Variants in ADD3 observed in about 807,000 individuals in gnomAD.
ADD3 encodes the protein gamma-adducin.
A neutral mutation model predicts 80.2 loss-of-function variants in ADD3; 25 were observed. That is an observed-to-expected ratio of 0.31 (90% CI 0.23 to 0.44). ADD3 has a LOEUF of 0.44. ADD3 is among the 20% of genes least tolerant of loss of function. The pLI is 1.00. For synonymous variants in ADD3, 284 were observed against 289.6 expected, an observed-to-expected ratio of 0.98 and a Z score of 0.20; for missense variants, 829 against 847.5, an observed-to-expected ratio of 0.98 and a Z score of 0.27.
intron 1 of ADD3, among the ~76,000 whole-genome samples, chr10:110,089,678 AAT>A (rs199989268): frequency 9.8e-4 from 149 of 151,296 alleles, no homozygotes; most frequent in African/African-American, 3.4e-3. Flanking sequence ...ATTTCATAGG[AAT>A]ATATATATAT....
intron 1 of ADD3, among the ~76,000 whole-genome samples, chr10:109,998,559 G>T (rs1030736261): frequency 3.9e-5 from 6 of 152,108 alleles, no homozygotes; most frequent in African/African-American, 1.2e-4. Flanking sequence ...GCCTTCCTTT[G>T]CTTAAAACCT....
intron 1 of ADD3, among the ~76,000 whole-genome samples, chr10:110,087,036 T>A (rs1433119682): frequency 2.0e-5 from 3 of 152,106 alleles, no homozygotes; most frequent in African/African-American, 7.2e-5. Context: ...ATTTTTTTTT[T>A]ATTTTTTTGA....
At chr10:110,130,915 A>G (rs1186953252) in intron 13 of ADD3, among the ~76,000 whole-genome samples, 2 of 152,174 alleles carry the variant, frequency 1.3e-5, no homozygotes, top group East Asian at 3.8e-4. Context: ...TTATAGTAAA[A>G]TCTTCTAGAA....
chr10:110,081,877 A>G (rs1305789401), intron 1 of ADD3, among the ~76,000 whole-genome samples: 3 of 152,214 alleles, frequency 2.0e-5, no homozygotes, highest in African/African-American at 7.2e-5. Context: ...GCTGCTGTCT[A>G]CAGGATGTTG....
chr10:110,095,385 A>G (rs1848028839), intron 1 of ADD3, among the ~76,000 whole-genome samples: 1 of 152,188 alleles, frequency 6.6e-6, no homozygotes, highest in South Asian at 2.1e-4. Flanking sequence ...ATTTTCCCAT[A>G]GTGCCTGGCA....
At chr10:110,071,121 T>A (rs1844650701) in intron 1 of ADD3, among the ~76,000 whole-genome samples, 1 of 151,774 alleles carries the variant, frequency 6.6e-6, no homozygotes, top group Admixed American at 6.6e-5. Flanking sequence ...AAAAAAAAAT[T>A]GGGGGAATGG....
At chr10:110,097,645 G>A (rs1002863749) in intron 1 of ADD3, among the ~76,000 whole-genome samples, 27 of 152,030 alleles carry the variant, frequency 1.8e-4, no homozygotes, top group African/African-American at 6.5e-4. Context: ...TTCACCAATT[G>A]TCTCACTGAT....
chr10:110,057,069 A>G (rs1858285615), intron 1 of ADD3, among the ~76,000 whole-genome samples: 1 of 152,128 alleles, frequency 6.6e-6, no homozygotes, highest in African/African-American at 2.4e-5. Context: ...AGAATTCCTT[A>G]GGTTGCAAAA....
At chr10:110,066,207 C>G (rs1432632858) in intron 1 of ADD3, among the ~76,000 whole-genome samples, 1 of 152,088 alleles carries the variant, frequency 6.6e-6, no homozygotes, top group Non-Finnish European at 1.5e-5. Flanking sequence ...TTTTTCCATT[C>G]AGCGTTCTGG....
chr10:110,003,495 A>G (rs1199647827), upstream of ADD3, among the ~76,000 whole-genome samples: 2 of 152,214 alleles, frequency 1.3e-5, no homozygotes, highest in African/African-American at 4.8e-5. Context: ...AAAAGTTCAA[A>G]GCATTTTTAC....
chr10:110,100,487 C>A, intron 1 of ADD3, 138 bp from the exon 2 acceptor site: 1 of 458,906 alleles, frequency 2.2e-6, no homozygotes, highest in Non-Finnish European at 3.9e-6. Flanking sequence ...AAAAATTGTT[C>A]TAATATTTTT....
At chr10:110,049,196 C>T (rs1281648467) in intron 1 of ADD3, among the ~76,000 whole-genome samples, 1 of 152,236 alleles carries the variant, frequency 6.6e-6, no homozygotes, top group African/African-American at 2.4e-5. Context: ...TGGGAACCTC[C>T]ACTTAGATTT....
At chr10:110,065,439 G>A (rs1400302922) in intron 1 of ADD3, among the ~76,000 whole-genome samples, 1 of 146,226 alleles carries the variant, frequency 6.8e-6, no homozygotes, top group Admixed American at 6.9e-5. Context: ...CAGGAACTTT[G>A]GTATGTTGGA....
intron 1 of ADD3, among the ~76,000 whole-genome samples, chr10:110,025,923 A>G (rs1228418920): frequency 6.6e-6 from 1 of 151,984 alleles, no homozygotes; most frequent in African/African-American, 2.4e-5. Flanking sequence ...TTTTCCTTAA[A>G]AAAGAAAAAA....
intron 12 of ADD3, 49 bp from the exon 13 acceptor site, chr10:110,130,314 A>C: frequency 6.3e-7 from 1 of 1,585,798 alleles, no homozygotes. Context: ...GGATAGATAT[A>C]TAAGTAAAAC....
At chr10:110,010,598 G>A (rs1852228939) in intron 1 of ADD3, among the ~76,000 whole-genome samples, 1 of 152,186 alleles carries the variant, frequency 6.6e-6, no homozygotes, top group Non-Finnish European at 1.5e-5. Flanking sequence ...AGCATGTGAA[G>A]ACTCAGCAAA....
At chr10:110,085,351 T>A (rs914546881) in intron 1 of ADD3, among the ~76,000 whole-genome samples, 1 of 152,186 alleles carries the variant, frequency 6.6e-6, no homozygotes, top group Non-Finnish European at 1.5e-5. Flanking sequence ...TTACACTTTG[T>A]TGAAGATTTA....
intron 2 of ADD3, among the ~76,000 whole-genome samples, chr10:110,106,824 T>A (rs372611284): frequency 3.9e-5 from 6 of 152,138 alleles, no homozygotes; most frequent in African/African-American, 1.4e-4. Flanking sequence ...GTTGAAGAAT[T>A]AAATGGCTTT....
intron 2 of ADD3, among the ~76,000 whole-genome samples, chr10:110,104,943 A>G (rs1369781582): frequency 6.6e-6 from 1 of 152,172 alleles, no homozygotes; most frequent in East Asian, 1.9e-4. Flanking sequence ...TTCAGTGACA[A>G]TGAAAAAATT....
Sources: gnomAD v4.1 joint callset for allele counts (sites outside exome capture counted in the v4.1 genomes callset) on GRCh38, gnomAD v4.1.1 for gene constraint, MANE v1.5 for transcripts, NCBI Gene and HGNC (gene_info 2026-07-23, HGNC 2026-07-21) for gene names.